The following PIK3CB variants were observed in gnomAD, a reference collection of about 807,000 sequenced individuals.
PIK3CB encodes the protein phosphatidylinositol-4,5-bisphosphate 3-kinase catalytic subunit beta.
PIK3CB carries 39 observed loss-of-function variants against 136.8 expected under a neutral mutation model. The ratio of observed to expected loss-of-function variants is 0.29; its 90% CI spans 0.22 to 0.37. The LOEUF (loss-of-function observed/expected upper bound fraction) is 0.37, where lower values mean the gene tolerates loss of function less well. Among genes scored for constraint, PIK3CB ranks in the 10% least tolerant of loss-of-function variants. The pLI is 1.00. For synonymous variants in PIK3CB, 428 were observed against 436.6 expected (o/e 0.98, Z 0.25); for missense variants, 868 against 1,275.4 (o/e 0.68, Z 4.87).
At chr3:138,706,681 G>T (rs1265585037) in intron 11 of PIK3CB, among the ~76,000 whole-genome samples, 5 of 152,014 alleles carry the variant, frequency 3.3e-5, no homozygotes, top group African/African-American at 1.2e-4. Context: ...TTTTGAGACG[G>T]AGTTTTGCTT....
At chr3:138,790,042 C>A (rs1263167774) in intron 2 of PIK3CB, among the ~76,000 whole-genome samples, 1 of 152,008 alleles carries the variant, frequency 6.6e-6, no homozygotes, top group East Asian at 1.9e-4. Flanking sequence ...AATGAATGAA[C>A]CTTAAAAATA....
At chr3:138,678,490 A>T (rs1288594957) in intron 19 of PIK3CB, among the ~76,000 whole-genome samples, 2 of 152,200 alleles carry the variant, frequency 1.3e-5, no homozygotes, top group Non-Finnish European at 1.5e-5. Flanking sequence ...ACAAGGATGT[A>T]AATATAAAAC....
In PIK3CB at chr3:138,742,659, G is replaced by T; in HGVS notation, c.520C>A (p.Gln174Lys). Residue 174 changes from glutamine to lysine, a missense_variant, in exon 5 of 24, where the codon CAA (glutamine) becomes AAA (lysine). Around this residue, in one of 4 missense-constraint regions of PIK3CB, gnomAD observed 612 missense variants for 801.1 expected, o/e 0.76. Transcript: ENST00000674063. Reference protein sequence around the residue: ...VGLSWMDWLKQTYPPEHEPSI... With the variant: ...VGLSWMDWLKKTYPPEHEPSI... The stretch of plus-strand genomic sequence containing the variant: ...GGTTCATGCTCTGGTGGATATGTTT[G>T]TTTTAGCCAGTCCATCCAAGACAAT... 1 of 1,610,514 alleles carries T rather than the reference G, an allele frequency of 6.2e-7. No homozygotes were observed. The highest frequency in any genetic ancestry group is 8.5e-7 in the Non-Finnish European group (1 of 1,176,852).
chr3:138,731,615 TAAATTA>T (rs1190881458), intron 8 of PIK3CB, among the ~76,000 whole-genome samples: 1 of 152,064 alleles, frequency 6.6e-6, no homozygotes, highest in Non-Finnish European at 1.5e-5. Context: ...TTAAAAAATT[TAAATTA>T]AAAGATAAAA....
At chr3:138,720,693 C>G (rs1277533587) in intron 8 of PIK3CB, among the ~76,000 whole-genome samples, 2 of 152,080 alleles carry the variant, frequency 1.3e-5, no homozygotes, top group Non-Finnish European at 2.9e-5. Context: ...ATGGCAAAAG[C>G]CCATCTCTAC....
chr3:138,677,873 C>T (rs1350249912), intron 19 of PIK3CB, among the ~76,000 whole-genome samples: 1 of 151,950 alleles, frequency 6.6e-6, no homozygotes, highest in Non-Finnish European at 1.5e-5. Flanking sequence ...CTGGCCTGGG[C>T]AACAAGAGGG....
At chr3:138,815,832 C>T (rs1933301029) in intron 1 of PIK3CB, among the ~76,000 whole-genome samples, 1 of 152,208 alleles carries the variant, frequency 6.6e-6, no homozygotes. Context: ...GAAACCAATC[C>T]TTCACAGATA....
rs1323705120 is a variant in PIK3CB at position 138,719,133 on chromosome 3, T to C, written c.1051-4414A>G. ...AAAGACTATGAACTAAAGAAAATTA[T>C]GAAGAAAGATTTACACAACAGCACT... On this transcript the variant is annotated intron_variant, in intron 8 of 23. Transcript: ENST00000674063. 2.6e-4 allele frequency among the ~76,000 whole-genome samples: 39 copies of C among 151,928 alleles called. 1 individual carries two copies. The highest frequency in any genetic ancestry group is 2.5e-3 in the Admixed American group (38 of 15,224).
At chr3:138,673,692 C>G (rs1577057001) in intron 19 of PIK3CB, among the ~76,000 whole-genome samples, 1 of 152,196 alleles carries the variant, frequency 6.6e-6, no homozygotes, top group East Asian at 1.9e-4. Context: ...AACACACACA[C>G]ACGTACACAC....
At chr3:138,786,042 A>G (rs2045978693) in intron 2 of PIK3CB, among the ~76,000 whole-genome samples, 1 of 152,158 alleles carries the variant, frequency 6.6e-6, no homozygotes, top group Non-Finnish European at 1.5e-5. Context: ...ACAAAAGAAT[A>G]TATATAGCAT....
At chr3:138,821,365 G>A (rs759485039) in intron 1 of PIK3CB, among the ~76,000 whole-genome samples, 17 of 152,174 alleles carry the variant, frequency 1.1e-4, no homozygotes, top group Non-Finnish European at 1.8e-4. Flanking sequence ...AGCACTTTGG[G>A]AGGCTGCGGC....
chr3:138,689,131 G>A lies in PIK3CB; in HGVS notation c.2037-157C>T, dbSNP rs144163774. On this transcript the variant is annotated intron_variant, in intron 15 of 23. Transcript: ENST00000674063. ...TCCTCCCTTCCTTCCTTTTTTGAGA[G>A]TCTCACTCTGTTGCCCAGGCTGGTG... Among the ~76,000 whole-genome samples the A allele has an allele frequency of 3.8e-3, 577 of 152,200 alleles. 5 individuals carry two copies. Among genetic ancestry groups the A allele is most frequent in the African/African-American group, 0.013 (554 of 41,516 alleles).
intron 1 of PIK3CB, among the ~76,000 whole-genome samples, chr3:138,813,901 G>T (rs2108879016): frequency 6.6e-6 from 1 of 152,254 alleles, no homozygotes; most frequent in Non-Finnish European, 1.5e-5. Flanking sequence ...CACAAGTGGG[G>T]CCCTTACCAC....
chr3:138,813,284 A>G (rs562826218), intron 1 of PIK3CB, among the ~76,000 whole-genome samples: 21 of 152,248 alleles, frequency 1.4e-4, no homozygotes, highest in African/African-American at 1.7e-4. Context: ...TCACCCAGAG[A>G]GTTAAGACAC....
chr3:138,715,125 G>A (rs1264665699), intron 8 of PIK3CB, among the ~76,000 whole-genome samples: 5 of 152,088 alleles, frequency 3.3e-5, no homozygotes, highest in Non-Finnish European at 7.4e-5. Flanking sequence ...TCTATGTGTA[G>A]GAAAGAATGA....
At chr3:138,718,678 C>T (rs1265687663) in intron 8 of PIK3CB, among the ~76,000 whole-genome samples, 2 of 152,114 alleles carry the variant, frequency 1.3e-5, no homozygotes, top group African/African-American at 4.8e-5. Context: ...TATAAGTGTA[C>T]ATTTACATTA....
intron 2 of PIK3CB, among the ~76,000 whole-genome samples, chr3:138,792,380 ATTTTTG>A (rs915994787): frequency 2.8e-4 from 43 of 152,128 alleles, no homozygotes; most frequent in African/African-American, 9.9e-4. Context: ...CATTGAGATA[ATTTTTG>A]TTTTTTGAGA....
chr3:138,784,642 G>GCTGGT (rs556917694), intron 2 of PIK3CB, among the ~76,000 whole-genome samples: 66 of 152,296 alleles, frequency 4.3e-4, no homozygotes, highest in African/African-American at 1.5e-3. Context: ...TGTTGGCTGG[G>GCTGGT]CTGGTCTCCA....
intron 4 of PIK3CB, among the ~76,000 whole-genome samples, chr3:138,745,770 T>A (rs2045343382): frequency 6.6e-6 from 1 of 152,190 alleles, no homozygotes; most frequent in South Asian, 2.1e-4. Flanking sequence ...CTGGTGTTTC[T>A]TTTTCCCTTC....
Sources: gnomAD v4.1 joint callset for allele counts (sites outside exome capture counted in the v4.1 genomes callset) on GRCh38, gnomAD v4.1.1 for gene constraint, gnomAD v4.1.1 regional missense constraint, MANE v1.5 for transcripts, NCBI Gene and HGNC (gene_info 2026-07-23, HGNC 2026-07-21) for gene names.